CSMD3: variants seen among roughly 807,000 people sequenced by gnomAD.
CSMD3 encodes the protein CUB and sushi domain-containing protein 3.
Under a neutral mutation model 435.2 loss-of-function variants are expected in CSMD3, and 177 were observed. That is an observed-to-expected ratio of 0.41 (90% CI 0.36 to 0.46). The LOEUF (loss-of-function observed/expected upper bound fraction) is 0.46, where lower values mean the gene tolerates loss of function less well. CSMD3 is among the 20% of genes least tolerant of loss of function. The pLI, the probability that CSMD3 is intolerant of heterozygous loss-of-function variation, is 0.34. For synonymous variants in CSMD3, 1,656 were observed against 1,520.5 expected (o/e 1.09, Z -2.07); for missense variants, 4,265 against 4,504.6 (o/e 0.95, Z 1.52).
At chr8:112,240,479 A>C (rs1814013236) in intron 66 of CSMD3, among the ~76,000 whole-genome samples, 2 of 152,028 alleles carry the variant, frequency 1.3e-5, no homozygotes, top group Middle Eastern at 3.2e-3. Flanking sequence ...ACAAGTGTTG[A>C]ATGTATCAGT....
At chr8:113,180,703 T>C (rs1368426040) in intron 3 of CSMD3, among the ~76,000 whole-genome samples, 1 of 152,078 alleles carries the variant, frequency 6.6e-6, no homozygotes, top group East Asian at 1.9e-4. Context: ...ATCTGTAGTA[T>C]AGAAGAGAGT....
intron 12 of CSMD3, among the ~76,000 whole-genome samples, chr8:112,808,885 C>T (rs1221738131): frequency 6.6e-6 from 1 of 152,008 alleles, no homozygotes; most frequent in East Asian, 1.9e-4. Flanking sequence ...CGTTTCTCTA[C>T]AACTCGCTCG....
At position 112,573,536 on chromosome 8, in the gene CSMD3, T is replaced by A; in HGVS notation, c.4007A>T (p.Glu1336Val). The change falls in exon 24 of 71, where the codon GAA becomes GTA. Residue 1336 changes from glutamate (E) to valine (V), a missense_variant. By Grantham distance (121) the Glu-to-Val change is moderately radical. Coordinates refer to ENST00000297405, the MANE Select transcript of CSMD3 (RefSeq NM_198123.2). ...AAGTTGAAAGCCTTCATCTGTCCCTTCAGTATCGGAATTAAATTCTAGCCA... is the reference window on the plus strand; with the variant it reads ...AAGTTGAAAGCCTTCATCTGTCCCTACAGTATCGGAATTAAATTCTAGCCA... ...QLWLEFNSDT[E>V]GTDEGFQLVY... The A allele has an allele frequency of 5.6e-6, 9 of 1,613,546 alleles. No individual in the cohort carries two copies. Among genetic ancestry groups the A allele is most frequent in the Non-Finnish European group, 7.6e-6 (9 of 1,179,614 alleles).
At chr8:112,457,561 A>G (rs1234342587) in intron 32 of CSMD3, among the ~76,000 whole-genome samples, 1 of 152,110 alleles carries the variant, frequency 6.6e-6, no homozygotes, top group East Asian at 1.9e-4. Flanking sequence ...AATGTTCAAG[A>G]AATGTAATTT....
At chr8:113,021,998 T>C (rs1351093381) in intron 5 of CSMD3, among the ~76,000 whole-genome samples, 1 of 152,218 alleles carries the variant, frequency 6.6e-6, no homozygotes, top group Non-Finnish European at 1.5e-5. Flanking sequence ...TCATTGGTTA[T>C]AGGCGAGTCA....
chr8:112,695,446 C>T lies in CSMD3; in HGVS notation c.1973-5396G>A, dbSNP rs538341043. On this transcript the variant is annotated intron_variant, in intron 13 of 70. Coordinates refer to ENST00000297405, the MANE Select transcript of CSMD3 (RefSeq NM_198123.2). ...TTCAACATATGCAAATCAATAAATG[C>T]AATCCAGCATATAAAGAGAACCAAA... Among the ~76,000 whole-genome samples, 4 of 152,166 alleles carry T rather than the reference C, an allele frequency of 2.6e-5. No individual in the cohort carries two copies. The East Asian group carries it at 5.8e-4, about 22-fold the overall frequency.
intron 1 of CSMD3, among the ~76,000 whole-genome samples, chr8:113,392,943 CTATA>C (rs5894146): frequency 1.7e-4 from 25 of 147,302 alleles, no homozygotes; most frequent in East Asian, 1.0e-3. Flanking sequence ...CTGCATGTGT[CTATA>C]TATATATATA....
intron 12 of CSMD3, among the ~76,000 whole-genome samples, chr8:112,807,661 C>A (rs2079124694): frequency 6.6e-6 from 1 of 152,106 alleles, no homozygotes; most frequent in East Asian, 1.9e-4. Context: ...AGAAGCTGTA[C>A]AACTGTCCTG....
At chr8:112,741,794 A>AGAAGAT (rs151301351) in intron 13 of CSMD3, among the ~76,000 whole-genome samples, 10 of 149,468 alleles carry the variant, frequency 6.7e-5, no homozygotes, top group African/African-American at 2.0e-4. Context: ...AGATAGAGAG[A>AGAAGAT]AGATAGATAG....
chr8:112,461,365 A>G (rs7006962), intron 32 of CSMD3, among the ~76,000 whole-genome samples: 29,621 of 152,082 alleles, frequency 0.19, 3,646 homozygotes, highest in East Asian at 0.39. Context: ...GCTGTATGTA[A>G]TGACTTCTCC....
intron 5 of CSMD3, among the ~76,000 whole-genome samples, chr8:113,032,761 G>A (rs2087169906): frequency 6.6e-6 from 1 of 151,482 alleles, no homozygotes; most frequent in African/African-American, 2.4e-5. Context: ...AAGACAATGG[G>A]GAAAATGTCT....
At chr8:112,575,420 G>A (rs1301846623) in intron 23 of CSMD3, among the ~76,000 whole-genome samples, 1 of 151,948 alleles carries the variant, frequency 6.6e-6, no homozygotes, top group African/African-American at 2.4e-5. Context: ...AAGGCGACAT[G>A]GTCATTGAAT....
chr8:113,256,086 G>T (rs544467038), intron 3 of CSMD3, among the ~76,000 whole-genome samples: 2 of 151,856 alleles, frequency 1.3e-5, no homozygotes, highest in Non-Finnish European at 2.9e-5. Flanking sequence ...CCTACATGCT[G>T]GTAGTGAATC....
intron 5 of CSMD3, among the ~76,000 whole-genome samples, chr8:113,084,367 AT>A (rs2089676578): frequency 6.6e-6 from 1 of 152,068 alleles, no homozygotes; most frequent in African/African-American, 2.4e-5. Context: ...GCGCAAAAAA[AT>A]AAAATAATTA....
At chr8:112,695,636 G>A (rs1352247336) in intron 13 of CSMD3, among the ~76,000 whole-genome samples, 1 of 152,166 alleles carries the variant, frequency 6.6e-6, no homozygotes, top group African/African-American at 2.4e-5. Flanking sequence ...TGCTGAATGG[G>A]CAAAAACTGG....
At chr8:112,569,628 A>G (rs1311570746) in intron 24 of CSMD3, among the ~76,000 whole-genome samples, 4 of 152,194 alleles carry the variant, frequency 2.6e-5, no homozygotes, top group Admixed American at 2.0e-4. Flanking sequence ...ACTCAACAAA[A>G]TAGATAATGG....
At chr8:113,071,837 A>G (rs895128638) in intron 5 of CSMD3, among the ~76,000 whole-genome samples, 18 of 151,704 alleles carry the variant, frequency 1.2e-4, no homozygotes, top group Non-Finnish European at 2.2e-4. Flanking sequence ...ATTTTTTTCC[A>G]TGTCTGTAAT....
intron 3 of CSMD3, among the ~76,000 whole-genome samples, chr8:113,278,308 T>C (rs2093587206): frequency 6.6e-6 from 1 of 151,856 alleles, no homozygotes; most frequent in African/African-American, 2.4e-5. Context: ...CTGTGATGCC[T>C]GACACACAAA....
intron 4 of CSMD3, among the ~76,000 whole-genome samples, chr8:113,126,904 C>G (rs1359247752): frequency 6.6e-6 from 1 of 151,904 alleles, no homozygotes; most frequent in African/African-American, 2.4e-5. Flanking sequence ...TTCCCCTCTC[C>G]TCCTAGATAA....
Sources: gnomAD v4.1 joint callset for allele counts (sites outside exome capture counted in the v4.1 genomes callset) on GRCh38, gnomAD v4.1.1 for gene constraint, MANE v1.5 for transcripts, NCBI Gene and HGNC (gene_info 2026-07-23, HGNC 2026-07-21) for gene names.